CTNNA3: variants seen among roughly 807,000 people sequenced by gnomAD.
CTNNA3 encodes the protein catenin alpha 3.
A neutral mutation model predicts 95.7 loss-of-function variants in CTNNA3; 76 were observed. That is an observed-to-expected ratio of 0.79 (90% CI 0.66 to 0.96). The LOEUF is 0.96. Among genes scored for constraint, CTNNA3 ranks in the 40% least tolerant of loss-of-function variants. The pLI, the probability that CTNNA3 is intolerant of heterozygous loss-of-function variation, is 0.00. For synonymous variants in CTNNA3, 431 were observed against 374.4 expected, an observed-to-expected ratio of 1.15 and a Z score of -1.74; for missense variants, 1,191 against 1,089.8, an observed-to-expected ratio of 1.09 and a Z score of -1.31.
chr10:66,627,095 G>A (rs1481870407), intron 9 of CTNNA3, among the ~76,000 whole-genome samples: 3 of 152,104 alleles, frequency 2.0e-5, no homozygotes, highest in African/African-American at 4.8e-5. Context: ...GTGGGTTAGC[G>A]TAGGAAGTTT....
intron 7 of CTNNA3, among the ~76,000 whole-genome samples, chr10:66,883,852 G>A (rs1162806858): frequency 1.3e-5 from 2 of 152,156 alleles, no homozygotes; most frequent in Non-Finnish European, 2.9e-5. Context: ...GAGTATGTAA[G>A]ATATGGTGGT....
At chr10:67,337,463 C>G (rs768670644) in intron 5 of CTNNA3, among the ~76,000 whole-genome samples, 2 of 152,140 alleles carry the variant, frequency 1.3e-5, no homozygotes, top group African/African-American at 4.8e-5. Flanking sequence ...GGTGAAGATG[C>G]AGTGAACACT....
chr10:67,580,680 C>T (rs1842357711), intron 3 of CTNNA3, among the ~76,000 whole-genome samples: 1 of 151,244 alleles, frequency 6.6e-6, no homozygotes. Context: ...TTGATTCTTC[C>T]TACCCATGAG....
intron 13 of CTNNA3, among the ~76,000 whole-genome samples, chr10:66,125,442 T>G (rs779050965): frequency 6.6e-6 from 1 of 152,132 alleles, no homozygotes; most frequent in African/African-American, 2.4e-5. Context: ...GGGCAAGTAC[T>G]CAGTTTTTTA....
At chr10:66,305,835 T>C (rs1366379037) in intron 12 of CTNNA3, among the ~76,000 whole-genome samples, 2 of 152,188 alleles carry the variant, frequency 1.3e-5, no homozygotes, top group African/African-American at 4.8e-5. Flanking sequence ...GTTAAGTACT[T>C]AATAAAGGCA....
chr10:66,043,988 GTGTGTGTT>G lies in CTNNA3; in HGVS notation c.2159+25312_2159+25319del, dbSNP rs1469514720. Among the ~76,000 whole-genome samples, 561 of 143,246 alleles carry G rather than the reference GTGTGTGTT, an allele frequency of 3.9e-3. 1 individual carries two copies. Among genetic ancestry groups the G allele is most frequent in the Non-Finnish European group, 5.0e-3 (319 of 63,626 alleles). 94.0% of individuals were successfully genotyped at this position (143,246 alleles called of 152,430 possible). A position where few individuals can be genotyped will look rare whatever the true frequency, so the allele number is the denominator to read the frequency against. ...TGTGTGTGTGTGTGTGTGTGTGTGTGTGTGTGTTTGTGTGTGTCTGTGTTTGAGATGGA... is the reference window on the plus strand; with the variant it reads ...TGTGTGTGTGTGTGTGTGTGTGTGTGTGTGTGTGTCTGTGTTTGAGATGGA... On this transcript the variant is annotated intron_variant, in intron 15 of 17. Transcript: ENST00000433211.
intron 1 of CTNNA3, among the ~76,000 whole-genome samples, chr10:67,659,914 A>C (rs142137936): frequency 3.0e-3 from 452 of 152,364 alleles, no homozygotes; most frequent in Middle Eastern, 0.01. Flanking sequence ...GAAGCCAAAA[A>C]ATTCCCATTT....
chr10:66,376,262 G>A (rs1800753114), intron 12 of CTNNA3, among the ~76,000 whole-genome samples: 1 of 152,120 alleles, frequency 6.6e-6, no homozygotes, highest in Non-Finnish European at 1.5e-5. Flanking sequence ...TATTTAAAAA[G>A]CTAATATATT....
At chr10:66,238,913 AC>A (rs1217723603) in intron 13 of CTNNA3, among the ~76,000 whole-genome samples, 1 of 151,940 alleles carries the variant, frequency 6.6e-6, no homozygotes, top group African/African-American at 2.4e-5. Context: ...TGTCAGTAAT[AC>A]CTTGGTAAGA....
At chr10:66,146,151 C>T (rs1453120915) in intron 13 of CTNNA3, among the ~76,000 whole-genome samples, 1 of 152,086 alleles carries the variant, frequency 6.6e-6, no homozygotes, top group Non-Finnish European at 1.5e-5. Flanking sequence ...CGTGCCCGGC[C>T]GAAGTGGCTT....
intron 9 of CTNNA3, among the ~76,000 whole-genome samples, chr10:66,746,144 T>C (rs2132712518): frequency 6.6e-6 from 1 of 152,294 alleles, no homozygotes; most frequent in South Asian, 2.1e-4. Flanking sequence ...TCTCTGGCTG[T>C]CTTCGGTCCA....
chr10:66,502,268 T>C (rs866760395), intron 11 of CTNNA3, among the ~76,000 whole-genome samples: 2 of 152,156 alleles, frequency 1.3e-5, no homozygotes, highest in African/African-American at 2.4e-5. Context: ...GGTACTGATA[T>C]GTGTTGGTCT....
intron 7 of CTNNA3, among the ~76,000 whole-genome samples, chr10:66,872,534 T>C (rs1844450133): frequency 6.6e-6 from 1 of 152,010 alleles, no homozygotes; most frequent in South Asian, 2.1e-4. Context: ...CTGGGCATGG[T>C]GGCGGGTGCC....
intron 16 of CTNNA3, among the ~76,000 whole-genome samples, chr10:65,977,562 C>A (rs965693217): frequency 6.6e-6 from 1 of 152,096 alleles, no homozygotes; most frequent in East Asian, 1.9e-4. Context: ...AGGCAGATGA[C>A]CTGAGGTCAG....
At chr10:67,209,544 T>A (rs1435688776) in intron 6 of CTNNA3, among the ~76,000 whole-genome samples, 1 of 152,140 alleles carries the variant, frequency 6.6e-6, no homozygotes, top group East Asian at 1.9e-4. Flanking sequence ...AATACACAAT[T>A]TTTTCAAATA....
In CTNNA3 at chr10:66,609,670, C is replaced by T. The variant is rs1401259924; in HGVS notation, c.1374+12022G>A. 1.3e-5 allele frequency among the ~76,000 whole-genome samples: 2 copies of T among 151,914 alleles called. 1 individual carries two copies. Among genetic ancestry groups the T allele is most frequent in the East Asian group, 3.9e-4 (2 of 5,164 alleles). On this transcript the variant is annotated intron_variant, in intron 10 of 17. Transcript: ENST00000433211. ...TTGGTGGGAGTGTAAATTATTTCAA[C>T]CATGTGGAAAACAGCATGGTGAATC... is the stretch of plus-strand genomic sequence containing the variant.
intron 5 of CTNNA3, among the ~76,000 whole-genome samples, chr10:67,374,602 T>C (rs1843621263): frequency 6.6e-6 from 1 of 152,174 alleles, no homozygotes; most frequent in Non-Finnish European, 1.5e-5. Flanking sequence ...CATTTTATTT[T>C]ATTAATTTAT....
chr10:67,723,359 G>A (rs572230735), intron 1 of CTNNA3, among the ~76,000 whole-genome samples: 54 of 149,744 alleles, frequency 3.6e-4, no homozygotes, highest in Middle Eastern at 3.5e-3. Context: ...TGATGCAATC[G>A]TGGCTCACTG....
At chr10:66,493,597 G>GTTTTTTTTTTTT (rs1589329310) in intron 11 of CTNNA3, among the ~76,000 whole-genome samples, 5 of 119,552 alleles carry the variant, frequency 4.2e-5, no homozygotes, top group African/African-American at 2.1e-4. Context: ...TTTAACTACA[G>GTTTTTTTTTTTT]TATTTTTTTT....
Sources: allele counts gnomAD v4.1 joint callset (sites outside exome capture counted in the v4.1 genomes callset), GRCh38; gene constraint gnomAD v4.1.1; transcripts MANE v1.5; gene names NCBI Gene and HGNC (gene_info 2026-07-23, HGNC 2026-07-21).